The following RAB9B variants were observed in gnomAD, a reference collection of about 807,000 sequenced individuals.
The protein encoded by RAB9B is ras-related protein Rab-9B.
RAB9B carries 1 observed loss-of-function variant against 8.9 expected under a neutral mutation model. The observed-to-expected ratio is 0.11, with a 90% confidence interval of 0.04 to 0.53. The LOEUF is 0.53. Ranked by LOEUF, RAB9B falls within the 20% of genes least tolerant of loss-of-function variation. The probability of loss-of-function intolerance (pLI) is 0.93; values close to 1 mark genes in which losing one functional copy is unlikely to be tolerated. For synonymous variants in RAB9B, 63 were observed against 57.0 expected (o/e 1.10, Z -0.47); for missense variants, 82 against 152.9 (o/e 0.54, Z 2.45).
the RAB9B span, among the ~76,000 whole-genome samples, chrX:103,795,688 C>T: frequency 9.0e-6 from 1 of 111,492 alleles, no homozygotes; most frequent in Non-Finnish European, 1.9e-5. Context: ...TAAATCAGCC[C>T]ACATTATCCA....
chrX:103,789,392 T>G, the RAB9B span: 3 of 1,200,005 alleles, frequency 2.5e-6, no homozygotes, highest in Non-Finnish European at 3.4e-6. Flanking sequence ...CTACACTGGT[T>G]TCCCTGGTGA....
At chrX:103,801,374 T>A in the RAB9B span, among the ~76,000 whole-genome samples, 1 of 110,976 alleles carries the variant, frequency 9.0e-6, no homozygotes, top group African/African-American at 3.3e-5. Context: ...TCCTGCCAAG[T>A]GGTGACAGGC....
At chrX:103,817,459 TAGG>T (rs2074643689), downstream of RAB9B, among the ~76,000 whole-genome samples, 1 of 109,788 alleles carries the variant, frequency 9.1e-6, no homozygotes, top group African/African-American at 3.3e-5. Flanking sequence ...GGGATAACAT[TAGG>T]AGAACTACCT....
chrX:103,782,822 G>T, the RAB9B span, among the ~76,000 whole-genome samples: 2 of 111,351 alleles, frequency 1.8e-5, no homozygotes, highest in Admixed American at 1.9e-4. Flanking sequence ...AGGCCCCTGT[G>T]GAATACCAAT....
At chrX:103,797,715 G>C in the RAB9B span, among the ~76,000 whole-genome samples, 2 of 111,196 alleles carry the variant, frequency 1.8e-5, no homozygotes, top group African/African-American at 6.6e-5. Context: ...CCTATAGTTG[G>C]CAGATGGCCA....
chrX:103,779,281 C>T, the RAB9B span, among the ~76,000 whole-genome samples: 2 of 112,132 alleles, frequency 1.8e-5, no homozygotes, highest in African/African-American at 6.5e-5. Context: ...TGGCTGTTAC[C>T]CTGGTAACCA....
Position 103,825,061 on chromosome X carries a change from A to T in RAB9B, c.*118T>A, listed in dbSNP as rs1469638729. 2.5e-6 allele frequency: 2 copies of T among 796,633 alleles called. No homozygotes were observed. Among genetic ancestry groups the T allele is most frequent in the African/African-American group, 4.2e-5 (2 of 47,756 alleles). The allele number at this position is 796,633 out of a possible 1,213,427, so 65.7% of individuals were successfully genotyped here. ...TCAATTTGAAAGGCTCTGTTTCACA[A>T]TCAGAACCTTGTCTCTTACCCTCTT... is the stretch of plus-strand genomic sequence containing the variant. On this transcript the variant is annotated 3_prime_UTR_variant, in exon 3 of 3. Coordinates refer to ENST00000243298, the MANE Select transcript of RAB9B (RefSeq NM_016370.4).
At chrX:103,798,669 G>T in the RAB9B span, among the ~76,000 whole-genome samples, 1 of 103,519 alleles carries the variant, frequency 9.7e-6, no homozygotes, top group Non-Finnish European at 2.0e-5. Context: ...TTGAGATGGA[G>T]TCTCACTCTG....
the RAB9B span, among the ~76,000 whole-genome samples, chrX:103,801,841 G>T: frequency 9.0e-6 from 1 of 111,443 alleles, no homozygotes; most frequent in African/African-American, 3.3e-5. Flanking sequence ...TAAAATGAAA[G>T]AAAACATTTT....
chrX:103,784,185 G>T, the RAB9B span, among the ~76,000 whole-genome samples: 1 of 111,560 alleles, frequency 9.0e-6, no homozygotes, highest in African/African-American at 3.3e-5. Context: ...TGCCTCTCCT[G>T]TTTCTCAGCA....
the RAB9B span, among the ~76,000 whole-genome samples, chrX:103,817,295 C>G: frequency 2.7e-5 from 3 of 111,058 alleles, no homozygotes; most frequent in Non-Finnish European, 3.8e-5. Flanking sequence ...ATGGATGAAG[C>G]TGGAAACTAT....
At chrX:103,784,421 C>A in the RAB9B span, among the ~76,000 whole-genome samples, 1 of 111,634 alleles carries the variant, frequency 9.0e-6, no homozygotes, top group African/African-American at 3.3e-5. Context: ...ACAAAACTGC[C>A]ATACAAAGTG....
the RAB9B span, among the ~76,000 whole-genome samples, chrX:103,782,077 C>A: frequency 2.7e-5 from 3 of 112,459 alleles, no homozygotes; most frequent in Admixed American, 2.8e-4. Flanking sequence ...AAAATAATTT[C>A]TTGCAGGCTC....
chrX:103,818,474 T>G (rs936587946), downstream of RAB9B, among the ~76,000 whole-genome samples: 2 of 111,097 alleles, frequency 1.8e-5, no homozygotes, highest in African/African-American at 6.5e-5. Context: ...TAAACAGAGG[T>G]GAGAGTTAAG....
chrX:103,821,369 A>T (rs920909107), downstream of RAB9B, among the ~76,000 whole-genome samples: 2 of 104,371 alleles, frequency 1.9e-5, no homozygotes, highest in East Asian at 2.9e-4. Context: ...AAAAAAAAAA[A>T]ATCTGTTTCC....
chrX:103,785,068 T>A, the RAB9B span, among the ~76,000 whole-genome samples: 4 of 111,685 alleles, frequency 3.6e-5, no homozygotes, highest in Non-Finnish European at 7.5e-5. Flanking sequence ...AGGATTTATT[T>A]TCTTTCTTTC....
the RAB9B span, among the ~76,000 whole-genome samples, chrX:103,801,914 A>T: frequency 9.0e-6 from 1 of 111,328 alleles, no homozygotes; most frequent in African/African-American, 3.3e-5. Flanking sequence ...AAATGAGATT[A>T]ATGAGAACAG....
At chrX:103,780,441 G>C in the RAB9B span, among the ~76,000 whole-genome samples, 34 of 98,331 alleles carry the variant, frequency 3.5e-4, 1 homozygote, top group South Asian at 1.2e-3. Flanking sequence ...GTCTCTCTCT[G>C]TGTGTGTGTG....
At chrX:103,786,960 T>A in the RAB9B span, 3 of 426,942 alleles carry the variant, frequency 7.0e-6, no homozygotes, top group African/African-American at 7.5e-5. Flanking sequence ...AAAGCATGAG[T>A]TTTGTGGGAT....
Sources: allele counts gnomAD v4.1 joint callset (sites outside exome capture counted in the v4.1 genomes callset), GRCh38; gene constraint gnomAD v4.1.1; transcripts MANE v1.5; gene names NCBI Gene and HGNC (gene_info 2026-07-23, HGNC 2026-07-21).